Variants in HPS4 observed in about 807,000 individuals in gnomAD.
HPS4 encodes the protein HPS4 biogenesis of lysosomal organelles complex 3 subunit 2.
Under a neutral mutation model 70.3 loss-of-function variants are expected in HPS4, and 44 were observed. The observed-to-expected ratio is 0.63, with a 90% CI of 0.49 to 0.80. The LOEUF is 0.80. Ranked by LOEUF, HPS4 falls within the 30% of genes least tolerant of loss-of-function variation. The pLI is 0.00. For missense variants in HPS4, 873 were observed against 884.4 expected, an observed-to-expected ratio of 0.99 and a Z score of 0.16; for synonymous variants, 377 against 355.9, an observed-to-expected ratio of 1.06 and a Z score of -0.67.
rs2085387231 is a variant in HPS4, at chr22:26,452,510, G to C, written c.*723C>G. 1 of 373,912 alleles carries C rather than the reference G, an allele frequency of 2.7e-6. No individual in the cohort carries two copies. Among genetic ancestry groups the C allele is most frequent in the East Asian group, 7.3e-5 (1 of 13,670 alleles). 23.2% of individuals were successfully genotyped at this position (373,912 alleles called of 1,614,324 possible). On this transcript the variant is annotated 3_prime_UTR_variant, in exon 14 of 14. Coordinates refer to ENST00000398145, the MANE Select transcript of HPS4 (RefSeq NM_022081.6). ...CCCACTTGTAGTCAAAGGCAGCGCA[G>C]GTTGGTCCTGTTGTCACTGAATTCT...
At chr22:26,479,651 A>G (rs2091057562) in intron 2 of HPS4, 2 of 1,267,054 alleles carry the variant, frequency 1.6e-6, no homozygotes, top group South Asian at 1.9e-5. Context: ...TATTTGAAAC[A>G]CTGAACCTTA....
intron 2 of HPS4, chr22:26,479,693 T>C: frequency 8.9e-7 from 1 of 1,127,384 alleles, no homozygotes. Context: ...ATACGCTGTC[T>C]TTTAAGGCTC....
chr22:26,457,166 A>G (rs1032142645), intron 13 of HPS4, among the ~76,000 whole-genome samples: 3 of 150,954 alleles, frequency 2.0e-5, no homozygotes, highest in Non-Finnish European at 4.4e-5. Context: ...TTTACTTGAT[A>G]CATTTCCAAG....
At position 26,464,414 on chromosome 22, in the gene HPS4, G is replaced by C; in HGVS notation, c.1216C>G (p.Leu406Val). ...GGTTCCAGGCTGCTGGAGGCGCTGA[G>C]AGATGCCTTGCAGTAAGGAGCCCTG... ...DGRAPYCKAS[L>V]SASSSLEPTP... The change falls in exon 11 of 14, where the codon CTC becomes GTC. Residue 406 changes from leucine (L) to valine (V), a missense_variant. By Grantham distance (32) the Leu-to-Val change is conservative. Transcript: ENST00000398145. 6.2e-7 allele frequency: 1 copy of C among 1,614,210 alleles called. No individual in the cohort carries two copies. The highest frequency in any genetic ancestry group is 8.5e-7 in the Non-Finnish European group (1 of 1,180,042).
At chr22:26,448,803 T>C (rs929131), downstream of HPS4, among the ~76,000 whole-genome samples, 131,633 of 152,170 alleles carry the variant, frequency 0.87, 57,524 homozygotes, top group Non-Finnish European at 0.93. Context: ...TGTAAGCTTC[T>C]CAAACTCAAC....
chr22:26,474,989 T>C (rs975891557), intron 4 of HPS4, among the ~76,000 whole-genome samples: 22 of 152,216 alleles, frequency 1.4e-4, no homozygotes, highest in Non-Finnish European at 2.9e-5. Context: ...GAATGTAAAA[T>C]GGTACAACCA....
downstream of HPS4, chr22:26,443,274 C>T: frequency 4.6e-6 from 6 of 1,313,776 alleles, no homozygotes; most frequent in Non-Finnish European, 6.6e-6. Context: ...TGGTCCGGTC[C>T]AGTCCCTACC....
intron 11 of HPS4, among the ~76,000 whole-genome samples, 181 bp downstream of exon 11, chr22:26,463,736 C>T (rs117069753): frequency 1.2e-4 from 18 of 152,356 alleles, no homozygotes; most frequent in African/African-American, 3.6e-4. Context: ...TCTTACCCCC[C>T]ACAAAAACCC....
In HPS4 at chr22:26,463,942, C is replaced by T. The variant is rs1315642285; in HGVS notation, c.1688G>A (p.Gly563Glu). The change falls in exon 11 of 14, where the codon GGA (glycine) becomes GAA (glutamate). Residue 563 changes from glycine (G) to glutamate (E), a missense_variant. Physicochemically the swap from Gly to Glu is moderately conservative, Grantham distance 98 (BLOSUM62 -2). Coordinates refer to ENST00000398145, the MANE Select transcript of HPS4 (RefSeq NM_022081.6). ...CACTTCCTCTATGGCTGCGCTGTCT[C>T]CCAGCAGCGGCTCCTCAGCCAGCAG... ...LSLLAEEPLL[G>E]DSAAIEEVYH... 6.2e-7 allele frequency: 1 copy of T among 1,613,836 alleles called. No individual in the cohort carries two copies. The highest frequency in any genetic ancestry group is 1.1e-5 in the South Asian group (1 of 91,070).
At chr22:26,461,940 A>G (rs939017981) in intron 11 of HPS4, among the ~76,000 whole-genome samples, 2 of 152,154 alleles carry the variant, frequency 1.3e-5, no homozygotes, top group Non-Finnish European at 2.9e-5. Flanking sequence ...CAGCCTGACC[A>G]ACATGGAGAA....
In HPS4 at chr22:26,464,289, AG is replaced by A; in HGVS notation, c.1340del (p.Pro447LeufsTer28). 1 of 1,614,130 alleles carries A rather than the reference AG, an allele frequency of 6.2e-7. No individual in the cohort carries two copies. The highest frequency in any genetic ancestry group is 8.5e-7 in the Non-Finnish European group (1 of 1,180,026). On this transcript the variant is annotated frameshift_variant, in exon 11 of 14. Coordinates refer to ENST00000398145, the MANE Select transcript of HPS4 (RefSeq NM_022081.6). LOFTEE classifies it high-confidence loss of function. ...GAATGGGGGCTTGGCTGCTATGGCC[AG>A]GATGGTCTTCGAGCTGCTCTTGGGC... ...HGAQEQLEDH[P>X]GHSSQAPIPR...
At chr22:26,473,307 G>C (rs889452808) in intron 4 of HPS4, among the ~76,000 whole-genome samples, 1 of 152,174 alleles carries the variant, frequency 6.6e-6, no homozygotes, top group Non-Finnish European at 1.5e-5. Flanking sequence ...TTGGACAGTA[G>C]ATGTTTAATC....
chr22:26,459,744 G>C (rs1227147753), intron 11 of HPS4, among the ~76,000 whole-genome samples: 5 of 152,128 alleles, frequency 3.3e-5, no homozygotes, highest in South Asian at 4.1e-4. Context: ...CTGCAAAATG[G>C]GAACAGTACG....
chr22:26,479,686 C>G, intron 2 of HPS4: 1 of 1,149,670 alleles, frequency 8.7e-7, no homozygotes, highest in Non-Finnish European at 1.1e-6. Flanking sequence ...TGGTCTGATA[C>G]GCTGTCTTTT....
intron 3 of HPS4, among the ~76,000 whole-genome samples, chr22:26,477,855 T>C (rs926708396): frequency 1.3e-5 from 2 of 152,106 alleles, no homozygotes; most frequent in African/African-American, 4.8e-5. Context: ...TATGACCTGG[T>C]TTCTTCAATA....
intron 13 of HPS4, among the ~76,000 whole-genome samples, chr22:26,456,061 A>G (rs1415057332): frequency 2.6e-5 from 4 of 152,170 alleles, no homozygotes; most frequent in African/African-American, 9.7e-5. Context: ...AGAAAGATCT[A>G]TTGGAATATT....
intron 8 of HPS4, 128 bp from the exon 9 acceptor site, chr22:26,466,390 T>A: frequency 1.0e-6 from 1 of 992,114 alleles, no homozygotes; most frequent in Admixed American, 2.0e-5. Flanking sequence ...CCCAACCACA[T>A]GCTAAGAGCC....
At chr22:26,474,626 GACA>G (rs919125456) in intron 4 of HPS4, among the ~76,000 whole-genome samples, 1 of 151,770 alleles carries the variant, frequency 6.6e-6, no homozygotes, top group African/African-American at 2.4e-5. Context: ...CTCATCAAAA[GACA>G]ACAAGAAAAT....
upstream of HPS4, chr22:26,483,790 G>A (rs935293361): frequency 5.2e-5 from 48 of 931,526 alleles, no homozygotes; most frequent in East Asian, 3.4e-4. Flanking sequence ...AGAGGCCTTA[G>A]GTCACGCGCC....
Sources: allele counts gnomAD v4.1 joint callset (sites outside exome capture counted in the v4.1 genomes callset), GRCh38; gene constraint gnomAD v4.1.1; transcripts MANE v1.5; gene names NCBI Gene and HGNC (gene_info 2026-07-23, HGNC 2026-07-21).